EXOC2: variants seen among roughly 807,000 people sequenced by gnomAD.
The protein encoded by EXOC2 is exocyst complex component 2.
EXOC2 carries 70 observed loss-of-function variants against 131.8 expected under a neutral mutation model. The ratio of observed to expected loss-of-function variants is 0.53; its 90% CI spans 0.44 to 0.65. EXOC2 has a LOEUF of 0.65. Ranked by LOEUF, EXOC2 falls within the 30% of genes least tolerant of loss-of-function variation. The probability of loss-of-function intolerance (pLI) is 0.00; values close to 1 mark genes in which losing one functional copy is unlikely to be tolerated. For synonymous variants in EXOC2, 411 were observed against 398.4 expected (o/e 1.03, Z -0.38); for missense variants, 923 against 1,108.6 (o/e 0.83, Z 2.38).
At chr6:534,422 TGAGAGAGAGACAGAGAGAGAGAGA>T (rs989974184) in intron 22 of EXOC2, among the ~76,000 whole-genome samples, 5 of 145,406 alleles carry the variant, frequency 3.4e-5, no homozygotes, top group Non-Finnish European at 6.0e-5. Context: ...TTACTCTAAA[TGAGAGAGAGACAGAGAGAGAGAGA>T]GAGAGAGAGA....
At chr6:529,435 A>T (rs1165145360) in intron 23 of EXOC2, among the ~76,000 whole-genome samples, 1 of 152,204 alleles carries the variant, frequency 6.6e-6, no homozygotes, top group African/African-American at 2.4e-5. Flanking sequence ...ATCAGGGGCA[A>T]ATAAATCCTC....
chr6:525,847 T>C (rs1765706103), intron 23 of EXOC2, among the ~76,000 whole-genome samples: 1 of 152,174 alleles, frequency 6.6e-6, no homozygotes, highest in Non-Finnish European at 1.5e-5. Flanking sequence ...TTAATCAACA[T>C]TTTCTACCAA....
intron 22 of EXOC2, among the ~76,000 whole-genome samples, chr6:534,169 G>A (rs1316535075): frequency 1.3e-5 from 2 of 152,102 alleles, no homozygotes; most frequent in African/African-American, 4.8e-5. Flanking sequence ...TGAAAACTAT[G>A]AACAACAAGA....
chr6:583,029 T>C (rs1284639033), intron 11 of EXOC2, among the ~76,000 whole-genome samples: 1 of 152,152 alleles, frequency 6.6e-6, no homozygotes, highest in Non-Finnish European at 1.5e-5. Flanking sequence ...GCCAGTTATG[T>C]GAGAATCATA....
At chr6:572,248 T>C (rs1446389105) in intron 13 of EXOC2, among the ~76,000 whole-genome samples, 1 of 152,206 alleles carries the variant, frequency 6.6e-6, no homozygotes, top group Non-Finnish European at 1.5e-5. Flanking sequence ...AGCTTTCTTT[T>C]TTCTTTAATT....
chr6:497,352 G>C lies in EXOC2; in HGVS notation c.2559+15C>G. On this transcript the variant is annotated intron_variant, in intron 25 of 27. Coordinates refer to ENST00000230449, the MANE Select transcript of EXOC2 (RefSeq NM_018303.6). ...AACAACAGAAGTTCAATATGAAATT[G>C]AATGATTTTGTTACCTGTAAAGCTC... The C allele has an allele frequency of 5.6e-6, 9 of 1,610,158 alleles. No individual in the cohort carries two copies. Among genetic ancestry groups the C allele is most frequent in the Non-Finnish European group, 6.8e-6 (8 of 1,178,108 alleles).
At position 572,653 on chromosome 6, in the gene EXOC2, G is replaced by A; in HGVS notation, c.1319-9C>T. The A allele has an allele frequency of 1.2e-6, 2 of 1,610,672 alleles. No individual in the cohort carries two copies. Among genetic ancestry groups the A allele is most frequent in the South Asian group, 2.2e-5 (2 of 90,606 alleles). On this transcript the variant is annotated splice_polypyrimidine_tract_variant and intron_variant, in intron 12 of 27. Transcript: ENST00000230449. Reference sequence around the variant, plus strand: ...AGTTTTGTATCTCCACGCTAAGGGGGAAAAGAATAAAATACTATGATTGTA... The same window carrying A: ...AGTTTTGTATCTCCACGCTAAGGGGAAAAAGAATAAAATACTATGATTGTA...
intron 7 of EXOC2, among the ~76,000 whole-genome samples, chr6:603,451 C>T (rs1381027644): frequency 6.6e-6 from 1 of 152,194 alleles, no homozygotes; most frequent in Admixed American, 6.5e-5. Context: ...GTAGATGGAA[C>T]TGAGGAAAGA....
At chr6:644,359 T>C (rs961084072) in intron 1 of EXOC2, among the ~76,000 whole-genome samples, 1 of 152,114 alleles carries the variant, frequency 6.6e-6, no homozygotes, top group Non-Finnish European at 1.5e-5. Flanking sequence ...CTCAATCTAA[T>C]AAAGAACTAT....
intron 1 of EXOC2, among the ~76,000 whole-genome samples, chr6:651,431 A>G (rs1762826047): frequency 6.6e-6 from 1 of 152,026 alleles, no homozygotes; most frequent in African/African-American, 2.4e-5. Context: ...AGGCGGGCAG[A>G]TAACTTGAGG....
chr6:494,272 C>T (rs926442522), intron 25 of EXOC2, among the ~76,000 whole-genome samples: 1 of 152,142 alleles, frequency 6.6e-6, no homozygotes, highest in Admixed American at 6.5e-5. Context: ...GAAAAAATTT[C>T]AAATGTATGG....
At chr6:495,014 G>A (rs1173057058) in intron 25 of EXOC2, among the ~76,000 whole-genome samples, 1 of 151,580 alleles carries the variant, frequency 6.6e-6, no homozygotes, top group Non-Finnish European at 1.5e-5. Flanking sequence ...AAACAGCTGG[G>A]ACCACAGGCA....
chr6:525,788 TAC>T (rs1316997097), intron 23 of EXOC2, among the ~76,000 whole-genome samples: 2 of 152,206 alleles, frequency 1.3e-5, no homozygotes, highest in Admixed American at 6.5e-5. Context: ...ATGAAATAGA[TAC>T]ATTGTCTTTT....
intron 6 of EXOC2, among the ~76,000 whole-genome samples, chr6:613,970 T>C (rs954800335): frequency 1.3e-5 from 2 of 152,084 alleles, no homozygotes; most frequent in African/African-American, 4.8e-5. Context: ...AAGAAAAATT[T>C]CTAAAAGGTT....
In EXOC2 at chr6:599,184, C is replaced by T; in HGVS notation, c.784G>A (p.Gly262Ser). The T allele has an allele frequency of 6.2e-7, 1 of 1,609,958 alleles. No homozygotes were observed. The highest frequency in any genetic ancestry group is 8.5e-7 in the Non-Finnish European group (1 of 1,177,470). Residue 262 changes from glycine (G) to serine (S), a missense_variant, in exon 8 of 28, where the codon GGT (glycine) becomes AGT (serine). Coordinates refer to ENST00000230449, the MANE Select transcript of EXOC2 (RefSeq NM_018303.6). ...GTGGAATCTGCCTTGTCTTTCCGACCTAATACTTCTTGAAACAATGTGTCT... is the reference window on the plus strand; with the variant it reads ...GTGGAATCTGCCTTGTCTTTCCGACTTAATACTTCTTGAAACAATGTGTCT... ...TADTLFQEVL[G>S]RKDKADSTRN...
chr6:651,286 G>C (rs1762818191), intron 1 of EXOC2, among the ~76,000 whole-genome samples: 1 of 152,074 alleles, frequency 6.6e-6, no homozygotes, highest in Non-Finnish European at 1.5e-5. Context: ...TCCTGCCTCG[G>C]CCTCCCAAAG....
rs370854596 is a variant in EXOC2, at chr6:599,618, C to T, written c.743-393G>A. On this transcript the variant is annotated intron_variant, in intron 7 of 27. Coordinates refer to ENST00000230449, the MANE Select transcript of EXOC2 (RefSeq NM_018303.6). ...CATACACGTGTACATTAGCTAAATT[C>T]TGCGGACTCAATATCTACATATGGG... Among the ~76,000 whole-genome samples the T allele has an allele frequency of 4.6e-5, 7 of 152,304 alleles. No individual in the cohort carries two copies. In the East Asian group the frequency reaches 1.3e-3, roughly 29 times the overall value.
intron 1 of EXOC2, chr6:655,806 G>C (rs1234635623): frequency 2.5e-5 from 6 of 243,202 alleles, no homozygotes; most frequent in African/African-American, 1.1e-4. Flanking sequence ...ATTGTTTCAG[G>C]ATTCAAAAAT....
chr6:556,714 T>C, intron 17 of EXOC2, 150 bp from the exon 18 acceptor site: 2 of 797,120 alleles, frequency 2.5e-6, no homozygotes, highest in Non-Finnish European at 4.1e-6. Flanking sequence ...CTCCTAGTCA[T>C]TGAGTTTCAG....
Sources: allele counts gnomAD v4.1 joint callset (sites outside exome capture counted in the v4.1 genomes callset), GRCh38; gene constraint gnomAD v4.1.1; transcripts MANE v1.5; gene names NCBI Gene and HGNC (gene_info 2026-07-23, HGNC 2026-07-21).